The following GLMN variants were observed in gnomAD, a reference collection of about 807,000 sequenced individuals.
GLMN encodes glomulin.
A neutral mutation model predicts 87.8 loss-of-function variants in GLMN; 75 were observed. The ratio of observed to expected loss-of-function variants is 0.85; its 90% CI spans 0.71 to 1.04. The LOEUF is 1.04. Among genes scored for constraint, GLMN ranks in the 50% least tolerant of loss-of-function variants. The pLI is 0.00. For missense variants in GLMN, 588 were observed against 658.8 expected (o/e 0.89, Z 1.18); for synonymous variants, 206 against 221.6 (o/e 0.93, Z 0.63).
At chr1:92,254,184 T>C (rs1653921735) in intron 16 of GLMN, among the ~76,000 whole-genome samples, 1 of 152,080 alleles carries the variant, frequency 6.6e-6, no homozygotes, top group South Asian at 2.1e-4. Flanking sequence ...GAAGATCAAC[T>C]TAATGAAATA....
At chr1:92,305,450 A>AAAAAAAAAAAAAAAC in the GLMN span, among the ~76,000 whole-genome samples, 7 of 141,850 alleles carry the variant, frequency 4.9e-5, no homozygotes, top group African/African-American at 1.8e-4. Context: ...AAAAAAAAAA[A>AAAAAAAAAAAAAAAC]AGACAATATG....
chr1:92,292,763 C>T (rs1649571809), intron 3 of GLMN, among the ~76,000 whole-genome samples: 1 of 142,770 alleles, frequency 7.0e-6, no homozygotes, highest in Admixed American at 7.0e-5. Flanking sequence ...CATGGTGGCT[C>T]ATGCCTGTAA....
Position 92,298,969 on chromosome 1 carries a change from C to A in GLMN, c.-75G>T. 2.0e-6 allele frequency: 1 copy of A among 512,552 alleles called. No homozygotes were observed. The highest frequency in any genetic ancestry group is 3.4e-6 in the Non-Finnish European group (1 of 290,158). The allele number at this position is 512,552 out of a possible 1,614,324, so 31.8% of individuals were successfully genotyped here. A position where few individuals can be genotyped will look rare whatever the true frequency, so the allele number is the denominator to read the frequency against. The stretch of plus-strand genomic sequence containing the variant: ...TCCCAGCCGCCGCCACCTCCTCCGG[C>A]GTCTTAGCCCGCTCTTCTGGCCCCG... On this transcript the variant is annotated 5_prime_UTR_variant, in exon 1 of 19. Coordinates refer to ENST00000370360, the MANE Select transcript of GLMN (RefSeq NM_053274.3).
chr1:92,287,451 C>T (rs1393125321), intron 6 of GLMN, among the ~76,000 whole-genome samples: 3 of 152,096 alleles, frequency 2.0e-5, no homozygotes, highest in African/African-American at 7.2e-5. Flanking sequence ...AAGGATCCTC[C>T]TGCCACAGCC....
intron 16 of GLMN, among the ~76,000 whole-genome samples, chr1:92,257,990 G>A (rs985268191): frequency 5.3e-5 from 8 of 151,982 alleles, no homozygotes; most frequent in African/African-American, 1.4e-4. Context: ...TACAGAATGG[G>A]AGAAAATTTT....
the GLMN span, chr1:92,345,901 G>A: frequency 2.5e-6 from 4 of 1,603,156 alleles, no homozygotes; most frequent in Middle Eastern, 3.3e-4. Context: ...AATTGCTATG[G>A]TGTTGCTGTC....
the GLMN span, among the ~76,000 whole-genome samples, chr1:92,314,375 G>T: frequency 6.7e-6 from 1 of 148,708 alleles, no homozygotes; most frequent in Non-Finnish European, 1.5e-5. Context: ...GCATTTAGTA[G>T]TGCATTTTAT....
upstream of GLMN, among the ~76,000 whole-genome samples, chr1:92,300,403 C>T (rs75968796): frequency 1.7e-3 from 262 of 152,060 alleles, 8 homozygotes; most frequent in East Asian, 0.046. Flanking sequence ...TAGACTGTTA[C>T]ATTCCTCTAC....
At chr1:92,281,037 A>C (rs996327210) in intron 7 of GLMN, among the ~76,000 whole-genome samples, 1 of 152,218 alleles carries the variant, frequency 6.6e-6, no homozygotes, top group Non-Finnish European at 1.5e-5. Context: ...AAGTTAGAAA[A>C]CACTCTTCAG....
chr1:92,365,019 C>T, the GLMN span, among the ~76,000 whole-genome samples: 1 of 152,164 alleles, frequency 6.6e-6, no homozygotes, highest in Non-Finnish European at 1.5e-5. Context: ...GACTGTTTCC[C>T]CCACAATCAT....
rs1200066407 is a variant in GLMN, at chr1:92,263,737, A to C, written c.1300-5T>G. 7.3e-7 allele frequency: 1 copy of C among 1,366,800 alleles called. No homozygotes were observed. The highest frequency in any genetic ancestry group is 1.0e-6 in the Non-Finnish European group (1 of 954,170). The allele number at this position is 1,366,800 out of a possible 1,614,324, so 84.7% of individuals were successfully genotyped here. A position where few individuals can be genotyped will look rare whatever the true frequency, so the allele number is the denominator to read the frequency against. On this transcript the variant is annotated splice_region_variant and splice_polypyrimidine_tract_variant and intron_variant, in intron 14 of 18. Transcript: ENST00000370360. ...CCATTTGTTGTTACGTGTTCTCTGAAAAGCAAACGAAAAATTGAGAAAGCT... is the reference window on the plus strand; with the variant it reads ...CCATTTGTTGTTACGTGTTCTCTGACAAGCAAACGAAAAATTGAGAAAGCT...
chr1:92,331,809 TTC>T, the GLMN span, among the ~76,000 whole-genome samples: 2 of 152,198 alleles, frequency 1.3e-5, no homozygotes, highest in Non-Finnish European at 2.9e-5. Context: ...AAGAATATAC[TTC>T]TCTTAGTATC....
chr1:92,286,400 A>C, intron 7 of GLMN, 90 bp downstream of exon 7: 1 of 649,784 alleles, frequency 1.5e-6, no homozygotes, highest in South Asian at 1.9e-5. Flanking sequence ...ACATTTCTTT[A>C]TTAATGAATG....
At chr1:92,255,263 G>A (rs1654066852) in intron 16 of GLMN, among the ~76,000 whole-genome samples, 2 of 152,154 alleles carry the variant, frequency 1.3e-5, no homozygotes, top group Non-Finnish European at 2.9e-5. Flanking sequence ...CATAAAGCAA[G>A]CTCTTAGAGA....
chr1:92,333,815 C>T, the GLMN span, among the ~76,000 whole-genome samples: 1 of 152,162 alleles, frequency 6.6e-6, no homozygotes, highest in Admixed American at 6.5e-5. Flanking sequence ...TGTGTCACAG[C>T]AGTTTCAGAT....
At chr1:92,320,816 T>G in the GLMN span, among the ~76,000 whole-genome samples, 1 of 152,352 alleles carries the variant, frequency 6.6e-6, no homozygotes, top group Admixed American at 6.5e-5. Context: ...GGTAAGATGA[T>G]GTGTTTGATC....
chr1:92,312,576 A>G, the GLMN span, among the ~76,000 whole-genome samples: 1 of 152,302 alleles, frequency 6.6e-6, no homozygotes, highest in East Asian at 1.9e-4. Flanking sequence ...TTCTTTGCCT[A>G]TCCATAAGAA....
At chr1:92,283,031 C>T (rs892515388) in intron 7 of GLMN, among the ~76,000 whole-genome samples, 2 of 152,118 alleles carry the variant, frequency 1.3e-5, no homozygotes, top group African/African-American at 4.8e-5. Context: ...GATTCACAGC[C>T]GAATTCTACC....
At chr1:92,323,324 A>G in the GLMN span, 2 of 575,862 alleles carry the variant, frequency 3.5e-6, no homozygotes, top group Non-Finnish European at 2.8e-6. Context: ...TCTGGGGAAT[A>G]AAAATTTCTA....
Sources: gnomAD v4.1 joint callset for allele counts (sites outside exome capture counted in the v4.1 genomes callset) on GRCh38, gnomAD v4.1.1 for gene constraint, MANE v1.5 for transcripts, NCBI Gene and HGNC (gene_info 2026-07-23, HGNC 2026-07-21) for gene names.